Variants in DIP2B observed in about 807,000 individuals in gnomAD.
The protein encoded by DIP2B is disco-interacting protein 2 homolog B.
A neutral mutation model predicts 198.0 loss-of-function variants in DIP2B; 76 were observed. The observed-to-expected ratio is 0.38, with a 90% CI of 0.32 to 0.46. DIP2B has a LOEUF of 0.46. Ranked by LOEUF, DIP2B falls within the 20% of genes least tolerant of loss-of-function variation. DIP2B has a pLI of 0.99. For synonymous variants in DIP2B, 701 were observed against 739.1 expected (o/e 0.95, Z 0.84); for missense variants, 1,559 against 1,978.4 (o/e 0.79, Z 4.02).
At chr12:50,539,513 G>C (rs1958300570) in intron 1 of DIP2B, among the ~76,000 whole-genome samples, 2 of 151,218 alleles carry the variant, frequency 1.3e-5, no homozygotes, top group African/African-American at 4.9e-5. Context: ...AGCTACTCAG[G>C]AGACAGGCAG....
chr12:50,560,347 A>G (rs1315699824), intron 1 of DIP2B, among the ~76,000 whole-genome samples: 1 of 150,766 alleles, frequency 6.6e-6, no homozygotes, highest in Non-Finnish European at 1.5e-5. Flanking sequence ...GTGAGCCGAG[A>G]TCGCAGCCAC....
chr12:50,619,892 T>TA (rs1593661224), intron 1 of DIP2B, among the ~76,000 whole-genome samples: 9 of 151,866 alleles, frequency 5.9e-5, no homozygotes, highest in Admixed American at 4.6e-4. Context: ...CTTGTCTCTA[T>TA]AAAAAAAACT....
intron 26 of DIP2B, among the ~76,000 whole-genome samples, chr12:50,721,991 A>C (rs1939845238): frequency 6.6e-6 from 1 of 152,114 alleles, no homozygotes; most frequent in African/African-American, 2.4e-5. Context: ...AAGGGGTGTG[A>C]GTTTTCATAT....
At chr12:50,520,035 CTTTTTTTTTTT>C (rs35179881) in intron 1 of DIP2B, among the ~76,000 whole-genome samples, 1 of 100,560 alleles carries the variant, frequency 9.9e-6, no homozygotes, top group Admixed American at 1.2e-4. Flanking sequence ...ATTGAATCTC[CTTTTTTTTTTT>C]TTTTTTTTTT....
chr12:50,538,813 T>A (rs1295399625), intron 1 of DIP2B, among the ~76,000 whole-genome samples: 1 of 152,172 alleles, frequency 6.6e-6, no homozygotes, highest in Non-Finnish European at 1.5e-5. Context: ...TGCTGTTGAA[T>A]ACTGGGAAAA....
At chr12:50,711,477 G>A (rs1274646407) in intron 22 of DIP2B, among the ~76,000 whole-genome samples, 2 of 152,166 alleles carry the variant, frequency 1.3e-5, no homozygotes, top group Non-Finnish European at 1.5e-5. Context: ...CCATTTCCCA[G>A]TCATCTGTAT....
intron 5 of DIP2B, among the ~76,000 whole-genome samples, chr12:50,672,644 T>C (rs575893462): frequency 6.6e-6 from 1 of 152,344 alleles, no homozygotes; most frequent in South Asian, 2.1e-4. Context: ...ACATTATTGC[T>C]TTTTGGATGT....
chr12:50,678,911 A>G (rs915720701), intron 8 of DIP2B, 35 bp downstream of exon 8: 5 of 1,610,622 alleles, frequency 3.1e-6, no homozygotes, highest in Non-Finnish European at 4.2e-6. Context: ...TTCTCTCCTG[A>G]GAGTTCTTCA....
At chr12:50,688,522 G>C (rs1031554639) in intron 12 of DIP2B, among the ~76,000 whole-genome samples, 5 of 151,938 alleles carry the variant, frequency 3.3e-5, no homozygotes, top group African/African-American at 1.2e-4. Context: ...CTGGTGGTAT[G>C]CACCTATAGT....
intron 2 of DIP2B, 135 bp from the exon 3 acceptor site, chr12:50,640,589 A>T (rs1938238227): frequency 1.1e-6 from 1 of 873,556 alleles, no homozygotes; most frequent in Non-Finnish European, 1.7e-6. Flanking sequence ...ATGTATTTAT[A>T]TTGAAACTCT....
chr12:50,615,212 G>GA (rs1409692062), intron 1 of DIP2B, among the ~76,000 whole-genome samples: 5 of 151,886 alleles, frequency 3.3e-5, no homozygotes, highest in Non-Finnish European at 7.4e-5. Context: ...GATAAAGGGG[G>GA]AAAGAAGAAG....
intron 1 of DIP2B, among the ~76,000 whole-genome samples, chr12:50,585,216 A>G (rs778036591): frequency 1.3e-5 from 2 of 152,066 alleles, no homozygotes; most frequent in Non-Finnish European, 2.9e-5. Flanking sequence ...CACATTATCT[A>G]TTTTTCCAGC....
chr12:50,556,116 C>T (rs148656748), intron 1 of DIP2B, among the ~76,000 whole-genome samples: 5 of 151,978 alleles, frequency 3.3e-5, no homozygotes, highest in East Asian at 3.9e-4. Context: ...TGCAGTGGCG[C>T]GACGCTCACT....
intron 27 of DIP2B, among the ~76,000 whole-genome samples, chr12:50,723,936 A>G (rs1939885673): frequency 6.6e-6 from 1 of 152,166 alleles, no homozygotes; most frequent in Non-Finnish European, 1.5e-5. Context: ...TGCTCTGGAG[A>G]TGATAGAAGT....
chr12:50,740,368 C>T (rs1940220212), intron 36 of DIP2B, among the ~76,000 whole-genome samples: 1 of 152,208 alleles, frequency 6.6e-6, no homozygotes. Flanking sequence ...ACCTCTGCCA[C>T]TTGCTGGGTG....
intron 9 of DIP2B, among the ~76,000 whole-genome samples, chr12:50,682,312 A>G (rs1939054016): frequency 6.6e-6 from 1 of 152,184 alleles, no homozygotes; most frequent in African/African-American, 2.4e-5. Context: ...GGGAACAAGG[A>G]TTAAAACAAT....
intron 1 of DIP2B, among the ~76,000 whole-genome samples, chr12:50,544,581 C>G (rs1223621309): frequency 6.6e-6 from 1 of 151,812 alleles, no homozygotes; most frequent in African/African-American, 2.4e-5. Flanking sequence ...GCTGGGATTA[C>G]AGGCGTGAGC....
intron 19 of DIP2B, among the ~76,000 whole-genome samples, chr12:50,703,616 A>G (rs1240217023): frequency 6.6e-6 from 1 of 152,124 alleles, no homozygotes; most frequent in Non-Finnish European, 1.5e-5. Context: ...GCATTCCTTA[A>G]TCTTTACTCC....
intron 1 of DIP2B, among the ~76,000 whole-genome samples, chr12:50,541,207 A>T (rs527359259): frequency 6.6e-6 from 1 of 152,178 alleles, no homozygotes; most frequent in Non-Finnish European, 1.5e-5. Flanking sequence ...TGACAAGGCC[A>T]TATGTATCAA....
Sources: allele counts gnomAD v4.1 joint callset (sites outside exome capture counted in the v4.1 genomes callset), GRCh38; gene constraint gnomAD v4.1.1; transcripts MANE v1.5; gene names NCBI Gene and HGNC (gene_info 2026-07-23, HGNC 2026-07-21).